Variants in HELQ observed in about 807,000 individuals in gnomAD.
HELQ encodes the protein helicase, POLQ like.
Under a neutral mutation model 111.6 loss-of-function variants are expected in HELQ, and 77 were observed. The observed-to-expected ratio is 0.69, with a 90% CI of 0.57 to 0.83. The LOEUF is 0.83. Among genes scored for constraint, HELQ ranks in the 40% least tolerant of loss-of-function variants. HELQ has a pLI of 0.00. For missense variants in HELQ, 1,200 were observed against 1,288.5 expected (o/e 0.93, Z 1.05); for synonymous variants, 438 against 454.7 (o/e 0.96, Z 0.47).
chr4:83,418,227 T>C (rs375267765), intron 15 of HELQ, 21 bp from the exon 16 acceptor site: 283 of 1,365,610 alleles, frequency 2.1e-4, no homozygotes, highest in Non-Finnish European at 2.6e-4. Flanking sequence ...CAAAGAAATA[T>C]ATAAAATTTA....
chr4:83,428,521 A>T (rs1383283478), intron 12 of HELQ, among the ~76,000 whole-genome samples: 1 of 152,162 alleles, frequency 6.6e-6, no homozygotes, highest in Non-Finnish European at 1.5e-5. Context: ...AGATTGCGCC[A>T]CTGCATTTTG....
intron 14 of HELQ, among the ~76,000 whole-genome samples, chr4:83,425,579 A>G (rs961089148): frequency 6.6e-6 from 1 of 152,224 alleles, no homozygotes; most frequent in East Asian, 1.9e-4. Flanking sequence ...TTTATGTAAT[A>G]TAAGTACTAG....
At chr4:83,424,379 G>A (rs913438327) in intron 14 of HELQ, among the ~76,000 whole-genome samples, 3 of 152,150 alleles carry the variant, frequency 2.0e-5, no homozygotes, top group African/African-American at 7.2e-5. Flanking sequence ...CAAAGTAAAA[G>A]ACCCAATCTA....
Position 83,432,111 on chromosome 4 carries a change from C to A in HELQ, c.2190+15G>T. On this transcript the variant is annotated intron_variant, in intron 10 of 17. Coordinates refer to ENST00000295488, the MANE Select transcript of HELQ (RefSeq NM_133636.5). ...AAAAAGACAAAAACAACCAACCAACCAAATTGAGTATTACCTGTTGTTTGT... is the reference window on the plus strand; with the variant it reads ...AAAAAGACAAAAACAACCAACCAACAAAATTGAGTATTACCTGTTGTTTGT... 6.5e-7 allele frequency: 1 copy of A among 1,549,414 alleles called. No individual in the cohort carries two copies. The highest frequency in any genetic ancestry group is 8.7e-7 in the Non-Finnish European group (1 of 1,152,262).
chr4:83,450,820 G>C (rs1389763877), intron 2 of HELQ, among the ~76,000 whole-genome samples: 2 of 152,148 alleles, frequency 1.3e-5, no homozygotes, highest in Non-Finnish European at 2.9e-5. Context: ...AAAAAAATTA[G>C]CTGGGTATGG....
chr4:83,419,498 A>G (rs1349856880), intron 15 of HELQ, among the ~76,000 whole-genome samples: 1 of 145,654 alleles, frequency 6.9e-6, no homozygotes, highest in African/African-American at 2.5e-5. Flanking sequence ...TATAATTATG[A>G]TATATATAAA....
At chr4:83,424,585 GTCTTGCTCTGTCA>G (rs1719744550) in intron 14 of HELQ, among the ~76,000 whole-genome samples, 1 of 151,266 alleles carries the variant, frequency 6.6e-6, no homozygotes, top group South Asian at 2.1e-4. Flanking sequence ...TTGAGACAGA[GTCTTGCTCTGTCA>G]CCCAAGCTGG....
At chr4:83,433,507 A>G (rs1578085660) in intron 9 of HELQ, among the ~76,000 whole-genome samples, 1 of 151,940 alleles carries the variant, frequency 6.6e-6, no homozygotes, top group Non-Finnish European at 1.5e-5. Flanking sequence ...CTCTACTAAA[A>G]ATAAAAAAAT....
At chr4:83,449,551 T>G (rs1283085491) in intron 2 of HELQ, among the ~76,000 whole-genome samples, 1 of 152,238 alleles carries the variant, frequency 6.6e-6, no homozygotes, top group African/African-American at 2.4e-5. Flanking sequence ...ACGCCTAGGA[T>G]TCCCACAATT....
chr4:83,445,454 T>C (rs1173535519), intron 5 of HELQ, among the ~76,000 whole-genome samples: 1 of 152,242 alleles, frequency 6.6e-6, no homozygotes, highest in Non-Finnish European at 1.5e-5. Context: ...AAGGTAAATA[T>C]TGCAATAGCA....
intron 14 of HELQ, among the ~76,000 whole-genome samples, chr4:83,425,111 C>A (rs1024724919): frequency 1.3e-5 from 2 of 151,774 alleles, no homozygotes; most frequent in Non-Finnish European, 2.9e-5. Context: ...GAAACCCTGT[C>A]TCTCCTAAAA....
At chr4:83,442,214 A>C (rs1363986575) in intron 6 of HELQ, among the ~76,000 whole-genome samples, 1 of 151,608 alleles carries the variant, frequency 6.6e-6, no homozygotes, top group Non-Finnish European at 1.5e-5. Context: ...AAGTTAAAAA[A>C]TATCTCTTGA....
intron 9 of HELQ, 96 bp downstream of exon 9, chr4:83,436,762 T>G: frequency 7.7e-7 from 1 of 1,292,202 alleles, no homozygotes; most frequent in East Asian, 2.4e-5. Flanking sequence ...TTTGATAAAT[T>G]CTCATCCACT....
At chr4:83,409,432 TA>T (rs1279036407) in intron 17 of HELQ, among the ~76,000 whole-genome samples, 8 of 152,008 alleles carry the variant, frequency 5.3e-5, no homozygotes, top group Admixed American at 4.6e-4. Flanking sequence ...CCGGCGCCTG[TA>T]GTCCGAGCTA....
intron 2 of HELQ, among the ~76,000 whole-genome samples, chr4:83,451,478 C>G (rs561308470): frequency 1.3e-5 from 2 of 151,426 alleles, no homozygotes; most frequent in South Asian, 2.1e-4. Flanking sequence ...CTGGCTAACA[C>G]GGTGAAACCT....
At position 83,446,097 on chromosome 4, in the gene HELQ, T is replaced by C. The variant is rs1286593601; in HGVS notation, c.1393-11A>G. The C allele has an allele frequency of 1.2e-6, 2 of 1,604,784 alleles. No individual in the cohort carries two copies. Among genetic ancestry groups the C allele is most frequent in the African/African-American group, 2.7e-5 (2 of 74,758 alleles). On this transcript the variant is annotated splice_polypyrimidine_tract_variant and intron_variant, in intron 4 of 17. Coordinates refer to ENST00000295488, the MANE Select transcript of HELQ (RefSeq NM_133636.5). ...ACCAATCATGTGCAACTTCGAGATT[T>C]TTTTTAAAAAGGACAGAGAAGTAAA...
In HELQ at chr4:83,439,840, C is replaced by T. The variant is rs764119581; in HGVS notation, c.1808+23G>A. The T allele has an allele frequency of 2.7e-5, 38 of 1,416,270 alleles. No homozygotes were observed. The Admixed American group carries it at 6.8e-4, about 25-fold the overall frequency. 87.7% of individuals were successfully genotyped at this position (1,416,270 alleles called of 1,614,324 possible). On this transcript the variant is annotated intron_variant, in intron 8 of 17. Coordinates refer to ENST00000295488, the MANE Select transcript of HELQ (RefSeq NM_133636.5). ...TAATTCCTAATAAAAATAAAACAGG[C>T]TATTTAAAAAATATTAACATACTTG...
At chr4:83,418,332 A>AG in intron 15 of HELQ, 126 bp from the exon 16 acceptor site, 1 of 493,876 alleles carries the variant, frequency 2.0e-6, no homozygotes, top group Non-Finnish European at 3.6e-6. Flanking sequence ...TAAGCCAGAG[A>AG]TGAAAGATGA....
At chr4:83,444,875 T>C (rs9884699) in intron 5 of HELQ, among the ~76,000 whole-genome samples, 3,225 of 152,212 alleles carry the variant, frequency 0.021, 111 homozygotes, top group African/African-American at 0.073. Flanking sequence ...ATAAACTAAT[T>C]GGATTTGCAT....
Sources: allele counts gnomAD v4.1 joint callset (sites outside exome capture counted in the v4.1 genomes callset), GRCh38; gene constraint gnomAD v4.1.1; transcripts MANE v1.5; gene names NCBI Gene and HGNC (gene_info 2026-07-23, HGNC 2026-07-21).